Variants in FKBP1B observed in about 807,000 individuals in gnomAD.
FKBP1B encodes the protein FKBP prolyl isomerase 1B.
FKBP1B carries 4 observed loss-of-function variants against 13.5 expected under a neutral mutation model. That is an observed-to-expected ratio of 0.30 (90% CI 0.15 to 0.68). The LOEUF (loss-of-function observed/expected upper bound fraction) is 0.68. Ranked by LOEUF, FKBP1B falls within the 30% of genes least tolerant of loss-of-function variation. The pLI is 0.76. For missense variants in FKBP1B, 93 were observed against 136.2 expected (o/e 0.68, Z 1.58); for synonymous variants, 54 against 53.6 (o/e 1.01, Z -0.03).
rs374066122 is a variant in FKBP1B, at chr2:24,063,311, C to T, written c.*119C>T. 17 of 933,276 alleles carry T rather than the reference C, an allele frequency of 1.8e-5. No individual in the cohort carries two copies. Among genetic ancestry groups the T allele is most frequent in the Non-Finnish European group, 2.4e-5 (16 of 653,080 alleles). The allele number at this position is 933,276 out of a possible 1,614,324, so 57.8% of individuals were successfully genotyped here. ...GATCAGTGTGCTAACCTCACTGCCT[C>T]ATGGCATCATCCATTCTCTCTGCCC... is the stretch of plus-strand genomic sequence containing the variant. On this transcript the variant is annotated 3_prime_UTR_variant, in exon 4 of 4. Coordinates refer to ENST00000380986, the MANE Select transcript of FKBP1B (RefSeq NM_004116.5).
chr2:24,039,384 A>C, the FKBP1B span: 2 of 1,614,276 alleles, frequency 1.2e-6, no homozygotes, highest in Non-Finnish European at 1.7e-6. Flanking sequence ...GCCGCAAATC[A>C]GTTAGGACAA....
Position 24,063,096 on chromosome 2 carries a change from C to A in FKBP1B, c.231C>A (p.Cys77Ter). ...TGGGGCAGAGGGCGAAGCTGACCTG[C>A]ACCCCTGATGTGGCATATGGAGCCA... ...MSLGQRAKLT[C>*]TPDVAYGATG... Residue 77 changes from cysteine to a stop codon, truncating the protein, a stop_gained, in exon 4 of 4, where the codon TGC becomes TGA. Coordinates refer to ENST00000380986, the MANE Select transcript of FKBP1B (RefSeq NM_004116.5). LOFTEE classifies it high-confidence loss of function. 6.2e-7 allele frequency: 1 copy of A among 1,614,152 alleles called. No homozygotes were observed. Among genetic ancestry groups the A allele is most frequent in the South Asian group, 1.1e-5 (1 of 91,066 alleles).
At chr2:24,041,196 G>A in the FKBP1B span, among the ~76,000 whole-genome samples, 3 of 150,874 alleles carry the variant, frequency 2.0e-5, no homozygotes, top group Non-Finnish European at 4.4e-5. Context: ...AAAATTAGCC[G>A]GGCATGGTGG....
chr2:24,039,590 G>T, the FKBP1B span: 2 of 1,308,660 alleles, frequency 1.5e-6, no homozygotes, highest in Non-Finnish European at 2.1e-6. Flanking sequence ...GTAAGACAAC[G>T]GCTTAGCCCC....
At chr2:24,051,922 A>G (rs1031714479) in intron 1 of FKBP1B, among the ~76,000 whole-genome samples, 1 of 151,728 alleles carries the variant, frequency 6.6e-6, no homozygotes, top group African/African-American at 2.4e-5. Context: ...TCATCTGCCT[A>G]CTTGCAATAT....
At chr2:24,052,981 A>G (rs1663948639) in intron 1 of FKBP1B, among the ~76,000 whole-genome samples, 1 of 152,168 alleles carries the variant, frequency 6.6e-6, no homozygotes. Context: ...TCTTAAAAAA[A>G]AAAAGTAAAC....
At chr2:24,042,302 C>T in the FKBP1B span, among the ~76,000 whole-genome samples, 1 of 152,026 alleles carries the variant, frequency 6.6e-6, no homozygotes, top group Non-Finnish European at 1.5e-5. Context: ...CTTTGGGAGG[C>T]CGAGGCAGGC....
chr2:24,045,956 A>G (rs1663611559), upstream of FKBP1B: 1 of 152,156 alleles, frequency 6.6e-6, no homozygotes, highest in Non-Finnish European at 1.5e-5. Flanking sequence ...AAAAAATAAT[A>G]AAAATAAAAA....
chr2:24,037,989 A>G, the FKBP1B span: 1 of 1,614,234 alleles, frequency 6.2e-7, no homozygotes, highest in Non-Finnish European at 8.5e-7. Flanking sequence ...TACTAGACAG[A>G]GGACTCTGGA....
the FKBP1B span, chr2:24,038,576 C>T: frequency 6.2e-7 from 1 of 1,614,016 alleles, no homozygotes; most frequent in Non-Finnish European, 8.5e-7. Flanking sequence ...GTCAAGTAGT[C>T]CTTTTTTCTT....
At chr2:24,052,265 A>T (rs951450559) in intron 1 of FKBP1B, among the ~76,000 whole-genome samples, 1 of 152,238 alleles carries the variant, frequency 6.6e-6, no homozygotes, top group Admixed American at 6.5e-5. Context: ...GAGTGATGTT[A>T]TAAAATCTTA....
chr2:24,060,036 T>C (rs968913384), intron 2 of FKBP1B, among the ~76,000 whole-genome samples: 2 of 151,872 alleles, frequency 1.3e-5, no homozygotes, highest in Non-Finnish European at 2.9e-5. Flanking sequence ...GTGAAGTGCC[T>C]GTATGCAAGG....
At chr2:24,044,817 TAAAAAAAAAAAAA>T (rs747340836), upstream of FKBP1B, among the ~76,000 whole-genome samples, 1 of 103,928 alleles carries the variant, frequency 9.6e-6, no homozygotes, top group Non-Finnish European at 2.0e-5. Flanking sequence ...GAATTATCTT[TAAAAAAAAAAAAA>T]AAAAAAAAAA....
chr2:24,058,977 G>A (rs948883173), intron 2 of FKBP1B, among the ~76,000 whole-genome samples: 3 of 152,156 alleles, frequency 2.0e-5, no homozygotes, highest in African/African-American at 7.2e-5. Context: ...TATTTTAGTT[G>A]TAGGAATTAG....
intron 2 of FKBP1B, among the ~76,000 whole-genome samples, chr2:24,058,072 C>G (rs112421948): frequency 0.17 from 26,348 of 151,800 alleles, 3,197 homozygotes; most frequent in African/African-American, 0.34. Context: ...TGGTGCATGC[C>G]TGTAATCCCA....
chr2:24,037,632 CAGG>C, the FKBP1B span: 1 of 1,539,324 alleles, frequency 6.5e-7, no homozygotes, highest in Non-Finnish European at 8.7e-7. Context: ...TCACCGGCTG[CAGG>C]AGCTTTTATG....
At chr2:24,044,867 C>T (rs143406257), upstream of FKBP1B, among the ~76,000 whole-genome samples, 403 of 147,460 alleles carry the variant, frequency 2.7e-3, 7 homozygotes, top group Non-Finnish European at 2.0e-3. Flanking sequence ...TTTTGCTCTT[C>T]TGCATAAACA....
chr2:24,035,768 T>G, the FKBP1B span, among the ~76,000 whole-genome samples: 3 of 151,398 alleles, frequency 2.0e-5, no homozygotes, highest in African/African-American at 7.3e-5. Flanking sequence ...AAAAAAATTT[T>G]TTTTAATTAA....
the FKBP1B span, chr2:24,037,824 C>T: frequency 2.5e-6 from 4 of 1,614,242 alleles, no homozygotes; most frequent in Non-Finnish European, 3.4e-6. Context: ...CTTCCTTAGA[C>T]AGCTGATAAG....
Sources: gnomAD v4.1 joint callset for allele counts (sites outside exome capture counted in the v4.1 genomes callset) on GRCh38, gnomAD v4.1.1 for gene constraint, MANE v1.5 for transcripts, NCBI Gene and HGNC (gene_info 2026-07-23, HGNC 2026-07-21) for gene names.